The following ZNF90 variants were observed in gnomAD, a reference collection of about 807,000 sequenced individuals.
ZNF90 encodes zinc finger protein HTF9.
A neutral mutation model predicts 12.0 loss-of-function variants in ZNF90; 11 were observed. The ratio of observed to expected loss-of-function variants is 0.92; its 90% CI spans 0.58 to 1.52. The LOEUF is 1.52. ZNF90 is among the 40% of genes most tolerant of loss of function. The probability of loss-of-function intolerance (pLI) is 0.00; values close to 1 mark genes in which losing one functional copy is unlikely to be tolerated. For synonymous variants in ZNF90, 232 were observed against 240.1 expected (o/e 0.97, Z 0.31); for missense variants, 765 against 711.5 (o/e 1.08, Z -0.86).
chr19:20,117,893 A>G lies in ZNF90; in HGVS notation c.339A>G (p.Leu113=). Residue 113 remains leucine (L), a synonymous_variant, in exon 4 of 4, where the codon TTA becomes TTG. Transcript: ENST00000418063. ...YEKREYGNLE[L]KKGCESVDEG... is the part of the protein sequence containing the mutation. ...AACGTGAATATGGCAATTTAGAGTT[A>G]AAAAAAGGTTGTGAAAGTGTGGATG... The G allele has an allele frequency of 6.2e-7, 1 of 1,610,440 alleles. No individual in the cohort carries two copies. Among genetic ancestry groups the G allele is most frequent in the South Asian group, 1.1e-5 (1 of 90,380 alleles).
chr19:20,104,806 C>T (rs1261985443), intron 2 of ZNF90, among the ~76,000 whole-genome samples: 2 of 152,018 alleles, frequency 1.3e-5, no homozygotes, highest in Non-Finnish European at 2.9e-5. Context: ...ACTAGCCTAA[C>T]CAACATAAAG....
chr19:20,102,360 A>G (rs1555703979), intron 1 of ZNF90, among the ~76,000 whole-genome samples: 1 of 152,038 alleles, frequency 6.6e-6, no homozygotes, highest in African/African-American at 2.4e-5. Flanking sequence ...CTGACTATTC[A>G]TCCCACCACT....
At chr19:20,113,157 G>C (rs1442996277) in intron 3 of ZNF90, among the ~76,000 whole-genome samples, 2 of 151,684 alleles carry the variant, frequency 1.3e-5, no homozygotes, top group African/African-American at 2.4e-5. Context: ...TTGTTGTGTA[G>C]GTTTGTTGTA....
At chr19:20,108,580 G>T (rs1371808962) in intron 3 of ZNF90, among the ~76,000 whole-genome samples, 1 of 151,966 alleles carries the variant, frequency 6.6e-6, no homozygotes, top group Non-Finnish European at 1.5e-5. Context: ...GCCTCCCAAA[G>T]TTGCTGAGAT....
chr19:20,098,475 G>T (rs539384099), intron 1 of ZNF90, among the ~76,000 whole-genome samples: 1 of 152,316 alleles, frequency 6.6e-6, no homozygotes, highest in South Asian at 2.1e-4. Flanking sequence ...AGGAGTGAGA[G>T]ATCAAGGCCA....
In ZNF90 at chr19:20,118,646, T is replaced by G. The variant is rs782737817; in HGVS notation, c.1092T>G (p.Thr364=). The G allele has an allele frequency of 6.4e-7, 1 of 1,568,764 alleles. No homozygotes were observed. Among genetic ancestry groups the G allele is most frequent in the Admixed American group, 1.8e-5 (1 of 56,964 alleles). The change falls in exon 4 of 4, where the codon ACT becomes ACG. Residue 364 remains threonine (T), a synonymous_variant. Coordinates refer to ENST00000418063, the MANE Select transcript of ZNF90 (RefSeq NM_007138.2). Reference sequence around the variant, plus strand: ...TTCGTACACATAAGAGAATTCATACTGGAGAGAAACCCTACAAGTGTGATA... The same window carrying G: ...TTCGTACACATAAGAGAATTCATACGGGAGAGAAACCCTACAAGTGTGATA... The part of the protein sequence containing the change: ...LVLRTHKRIH[T]GEKPYKCDKC...
At chr19:20,106,643 CG>C (rs1489561159) in intron 3 of ZNF90, among the ~76,000 whole-genome samples, 21 of 152,180 alleles carry the variant, frequency 1.4e-4, no homozygotes, top group Admixed American at 2.6e-4. Flanking sequence ...TTAGTAGACA[CG>C]GGGTTTCACC....
chr19:20,113,282 C>T (rs1568291879), intron 3 of ZNF90, among the ~76,000 whole-genome samples: 1 of 151,948 alleles, frequency 6.6e-6, no homozygotes, highest in Non-Finnish European at 1.5e-5. Flanking sequence ...CCTCTGCCTC[C>T]TGGGTTCAAG....
At chr19:20,114,746 C>T (rs1228488487) in intron 3 of ZNF90, among the ~76,000 whole-genome samples, 3 of 152,034 alleles carry the variant, frequency 2.0e-5, no homozygotes, top group African/African-American at 7.2e-5. Context: ...GGCTGTGTAT[C>T]CTGATGTTGT....
At chr19:20,093,765 G>A (rs561471933) in intron 1 of ZNF90, among the ~76,000 whole-genome samples, 26 of 152,280 alleles carry the variant, frequency 1.7e-4, no homozygotes, top group African/African-American at 6.3e-4. Context: ...AATGTGGAGT[G>A]GGTAGCCCCC....
chr19:20,114,725 G>T (rs1555705481), intron 3 of ZNF90, among the ~76,000 whole-genome samples: 1 of 152,124 alleles, frequency 6.6e-6, no homozygotes, highest in Non-Finnish European at 1.5e-5. Flanking sequence ...AGTTGTATGA[G>T]CTATTGAGAA....
chr19:20,084,810 A>G (rs1599639590), intron 1 of ZNF90, among the ~76,000 whole-genome samples: 4 of 152,010 alleles, frequency 2.6e-5, no homozygotes, highest in Admixed American at 6.5e-5. Context: ...ATCTGTTCAT[A>G]TATTTTGCCT....
intron 1 of ZNF90, among the ~76,000 whole-genome samples, chr19:20,090,901 A>C (rs1555702658): frequency 6.6e-6 from 1 of 152,166 alleles, no homozygotes; most frequent in Non-Finnish European, 1.5e-5. Context: ...GCTTTAAAAG[A>C]CCATTAGTCC....
intron 1 of ZNF90, among the ~76,000 whole-genome samples, chr19:20,097,134 A>G (rs988759327): frequency 3.9e-5 from 6 of 152,204 alleles, no homozygotes; most frequent in South Asian, 2.1e-4. Flanking sequence ...CAGATTGACT[A>G]TGATGCATGT....
At chr19:20,083,668 G>A (rs1390768100) in intron 1 of ZNF90, among the ~76,000 whole-genome samples, 1 of 152,034 alleles carries the variant, frequency 6.6e-6, no homozygotes, top group East Asian at 1.9e-4. Context: ...CAGCATCATC[G>A]ATGTTATTGC....
chr19:20,081,803 C>T (rs1446274287), intron 1 of ZNF90, among the ~76,000 whole-genome samples: 1 of 148,592 alleles, frequency 6.7e-6, no homozygotes, highest in Non-Finnish European at 1.5e-5. Flanking sequence ...CTCGCTCTGT[C>T]ATCCAGGCTG....
At chr19:20,085,210 A>C (rs2088849011) in intron 1 of ZNF90, among the ~76,000 whole-genome samples, 1 of 151,410 alleles carries the variant, frequency 6.6e-6, no homozygotes, top group South Asian at 2.1e-4. Flanking sequence ...TTTGTCAGAA[A>C]TCTGATGGCG....
intron 3 of ZNF90, among the ~76,000 whole-genome samples, chr19:20,106,307 CTTAT>C (rs1300646756): frequency 4.0e-5 from 6 of 151,896 alleles, no homozygotes; most frequent in East Asian, 1.9e-4. Flanking sequence ...CAACTTTTTA[CTTAT>C]TTTTCTTCAA....
chr19:20,115,231 G>A (rs924353362), intron 3 of ZNF90, among the ~76,000 whole-genome samples: 2 of 151,886 alleles, frequency 1.3e-5, no homozygotes, highest in African/African-American at 4.8e-5. Flanking sequence ...CTTGTAGAAA[G>A]GCAAGTTAAA....
Sources: gnomAD v4.1 joint callset for allele counts (sites outside exome capture counted in the v4.1 genomes callset) on GRCh38, gnomAD v4.1.1 for gene constraint, MANE v1.5 for transcripts, NCBI Gene and HGNC (gene_info 2026-07-23, HGNC 2026-07-21) for gene names.